Variants in PDE1C observed in about 807,000 individuals in gnomAD.
The protein encoded by PDE1C is dual specificity calcium/calmodulin-dependent 3',5'-cyclic nucleotide phosphodiesterase 1C.
In PDE1C, 62 loss-of-function variants were observed where a neutral mutation model predicts 93.1. That is an observed-to-expected ratio of 0.67 (90% CI 0.54 to 0.82). The LOEUF is 0.82. Among genes scored for constraint, PDE1C ranks in the 40% least tolerant of loss-of-function variants. The pLI is 0.00. For synonymous variants in PDE1C, 325 were observed against 310.1 expected (o/e 1.05, Z -0.50); for missense variants, 742 against 884.6 (o/e 0.84, Z 2.04).
At chr7:31,931,995 G>A (rs909565668) in intron 2 of PDE1C, among the ~76,000 whole-genome samples, 2 of 152,148 alleles carry the variant, frequency 1.3e-5, no homozygotes, top group Non-Finnish European at 2.9e-5. Flanking sequence ...AAATGGTGCT[G>A]GGCAAACTGG....
intron 2 of PDE1C, among the ~76,000 whole-genome samples, chr7:31,968,551 T>A (rs1030105266): frequency 1.3e-5 from 2 of 152,064 alleles, no homozygotes; most frequent in African/African-American, 4.8e-5. Flanking sequence ...AATTTATAGA[T>A]TCAATGCCAT....
At chr7:31,830,161 A>G (rs1401499211) in intron 11 of PDE1C, among the ~76,000 whole-genome samples, 1 of 152,156 alleles carries the variant, frequency 6.6e-6, no homozygotes, top group Non-Finnish European at 1.5e-5. Flanking sequence ...AAACAGAGGT[A>G]CTTGAATTCC....
intron 1 of PDE1C, among the ~76,000 whole-genome samples, chr7:32,066,468 T>A (rs945170563): frequency 1.3e-5 from 2 of 152,168 alleles, no homozygotes; most frequent in Non-Finnish European, 2.9e-5. Context: ...AATAAATATA[T>A]GAGATTAGAT....
intron 1 of PDE1C, among the ~76,000 whole-genome samples, chr7:32,060,045 C>T (rs945162297): frequency 1.3e-5 from 2 of 152,190 alleles, no homozygotes; most frequent in South Asian, 2.1e-4. Context: ...ATATCTGTGA[C>T]GGCACTGCCA....
chr7:32,411,324 G>A (rs2128097877), intron 1 of PDE1C, among the ~76,000 whole-genome samples: 1 of 152,312 alleles, frequency 6.6e-6, no homozygotes, highest in Non-Finnish European at 1.5e-5. Flanking sequence ...GAGTGCACTT[G>A]CACAAACCTA....
intron 2 of PDE1C, among the ~76,000 whole-genome samples, chr7:31,896,106 C>T (rs1375853804): frequency 6.6e-6 from 1 of 151,980 alleles, no homozygotes; most frequent in Non-Finnish European, 1.5e-5. Flanking sequence ...AGTAAAGAAA[C>T]CTCAGTTTCT....
upstream of PDE1C, chr7:32,070,496 G>A (rs1455746672): frequency 2.6e-6 from 4 of 1,556,654 alleles, no homozygotes; most frequent in African/African-American, 5.5e-5. Flanking sequence ...CGCGGCGCGC[G>A]TTTGCCCGGC....
intron 16 of PDE1C, among the ~76,000 whole-genome samples, chr7:31,799,076 G>T (rs184737693): frequency 3.2e-4 from 48 of 151,774 alleles, no homozygotes; most frequent in Non-Finnish European, 6.5e-4. Flanking sequence ...TAAGAAAACT[G>T]ATAATGCCCT....
intron 3 of PDE1C, among the ~76,000 whole-genome samples, chr7:32,084,804 T>C (rs4380832): frequency 0.54 from 57,212 of 105,524 alleles, 17,472 homozygotes; most frequent in African/African-American, 0.67. Flanking sequence ...TTGAAACCAA[T>C]GAGAACAAAG....
At chr7:32,252,800 TAA>T (rs1304424445) in intron 1 of PDE1C, among the ~76,000 whole-genome samples, 2 of 152,230 alleles carry the variant, frequency 1.3e-5, no homozygotes, top group African/African-American at 2.4e-5. Context: ...AAATTGAAAT[TAA>T]AAGACATACA....
At chr7:31,631,222 G>A in the PDE1C span, among the ~76,000 whole-genome samples, 1 of 152,070 alleles carries the variant, frequency 6.6e-6, no homozygotes, top group African/African-American at 2.4e-5. Flanking sequence ...GTTTTTTACA[G>A]AAGTGGCACA....
chr7:31,901,344 G>T (rs1239308280), intron 2 of PDE1C, among the ~76,000 whole-genome samples: 1 of 151,330 alleles, frequency 6.6e-6, no homozygotes, highest in Non-Finnish European at 1.5e-5. Context: ...CCCATTAAAG[G>T]TTCAATAACA....
chr7:31,866,305 T>C (rs771845405), intron 6 of PDE1C, among the ~76,000 whole-genome samples: 65 of 152,240 alleles, frequency 4.3e-4, no homozygotes, highest in Non-Finnish European at 7.8e-4. Flanking sequence ...TGCAGAATTT[T>C]AAAAATTAAA....
intron 2 of PDE1C, among the ~76,000 whole-genome samples, chr7:32,023,641 G>GA (rs143261369): frequency 0.56 from 83,643 of 149,410 alleles, 24,465 homozygotes; most frequent in Middle Eastern, 0.69. Flanking sequence ...TGCTGCGTGA[G>GA]AAAAAAAAAA....
the PDE1C span, among the ~76,000 whole-genome samples, chr7:31,632,071 T>A: frequency 1.3e-4 from 20 of 152,214 alleles, no homozygotes; most frequent in African/African-American, 4.8e-4. Context: ...CTCTTCAGAA[T>A]ATTAACAGTG....
the PDE1C span, among the ~76,000 whole-genome samples, chr7:31,675,636 G>A: frequency 6.6e-6 from 1 of 151,836 alleles, no homozygotes; most frequent in Admixed American, 6.6e-5. Flanking sequence ...ACTTGAAAAA[G>A]AAAGGCAATG....
At chr7:31,750,111 A>C (rs189910565), downstream of PDE1C, among the ~76,000 whole-genome samples, 11 of 152,268 alleles carry the variant, frequency 7.2e-5, no homozygotes, top group African/African-American at 2.4e-4. Flanking sequence ...TGCTCTCTGC[A>C]GTTGACTTGT....
chr7:32,116,216 T>G (rs984929234), intron 3 of PDE1C, among the ~76,000 whole-genome samples: 1 of 152,196 alleles, frequency 6.6e-6, no homozygotes, highest in Admixed American at 6.5e-5. Context: ...AGTCAATGCA[T>G]TTCCCCTTTT....
chr7:32,370,569 T>C (rs1217242553), intron 1 of PDE1C, among the ~76,000 whole-genome samples: 2 of 148,866 alleles, frequency 1.3e-5, no homozygotes, highest in Admixed American at 6.8e-5. Flanking sequence ...TTCTCACTTA[T>C]AGATGGGAAT....
Sources: gnomAD v4.1 joint callset for allele counts (sites outside exome capture counted in the v4.1 genomes callset) on GRCh38, gnomAD v4.1.1 for gene constraint, MANE v1.5 for transcripts, NCBI Gene and HGNC (gene_info 2026-07-23, HGNC 2026-07-21) for gene names.